TRAPPC9: variants seen among roughly 807,000 people sequenced by gnomAD.
TRAPPC9 encodes the protein trafficking protein particle complex subunit 9, also known as IKK2 binding protein.
In TRAPPC9, 83 loss-of-function variants were observed where a neutral mutation model predicts 124.0. That is an observed-to-expected ratio of 0.67 (90% confidence interval 0.56 to 0.80). The LOEUF (loss-of-function observed/expected upper bound fraction) is 0.80, where lower values mean the gene tolerates loss of function less well. TRAPPC9 is among the 30% of genes least tolerant of loss of function. TRAPPC9 has a pLI of 0.00. For missense variants in TRAPPC9, 1,302 were observed against 1,508.3 expected, an observed-to-expected ratio of 0.86 and a Z score of 2.27; for synonymous variants, 638 against 617.5, an observed-to-expected ratio of 1.03 and a Z score of -0.49.
chr8:140,379,308 A>G (rs768715433), intron 7 of TRAPPC9, among the ~76,000 whole-genome samples: 3 of 152,120 alleles, frequency 2.0e-5, no homozygotes, highest in African/African-American at 2.4e-5. Flanking sequence ...AGGCTGGTGC[A>G]AGGCTGTCCT....
intron 9 of TRAPPC9, among the ~76,000 whole-genome samples, chr8:140,318,074 G>T (rs529207457): frequency 6.6e-6 from 1 of 152,288 alleles, no homozygotes; most frequent in East Asian, 1.9e-4. Context: ...GGTCTGAAAT[G>T]ATATGTCTCC....
chr8:140,236,399 C>T (rs187011440), intron 16 of TRAPPC9, among the ~76,000 whole-genome samples: 15 of 152,144 alleles, frequency 9.9e-5, no homozygotes, highest in Admixed American at 1.3e-4. Flanking sequence ...TTCTTCTACA[C>T]GGAATTTAAG....
chr8:140,267,623 G>T (rs2064726515), intron 15 of TRAPPC9, among the ~76,000 whole-genome samples: 1 of 152,144 alleles, frequency 6.6e-6, no homozygotes. Flanking sequence ...CTGGTATGTG[G>T]AGAGCGCTAA....
intron 2 of TRAPPC9, among the ~76,000 whole-genome samples, chr8:140,443,063 G>A (rs1348014089): frequency 4.2e-5 from 6 of 142,434 alleles, no homozygotes; most frequent in African/African-American, 1.0e-4. Flanking sequence ...AACCCGGAAG[G>A]CAGAGGTTGC....
chr8:139,965,024 G>C (rs2665934), intron 19 of TRAPPC9, among the ~76,000 whole-genome samples: 56,336 of 152,006 alleles, frequency 0.37, 11,769 homozygotes, highest in Non-Finnish European at 0.47. Flanking sequence ...GTCCTCAGCT[G>C]TAGGACTGAG....
chr8:140,320,082 C>T (rs1000334319), intron 9 of TRAPPC9, among the ~76,000 whole-genome samples: 10 of 152,080 alleles, frequency 6.6e-5, no homozygotes, highest in Non-Finnish European at 1.0e-4. Context: ...AAAGAAAACA[C>T]GGAGGAAAAA....
intron 17 of TRAPPC9, among the ~76,000 whole-genome samples, chr8:140,123,092 A>C (rs1218728693): frequency 6.6e-6 from 1 of 152,148 alleles, no homozygotes; most frequent in African/African-American, 2.4e-5. Context: ...CTGCCTCTGC[A>C]ACCACATTTC....
intron 19 of TRAPPC9, among the ~76,000 whole-genome samples, chr8:139,975,912 T>C (rs1836412895): frequency 6.8e-6 from 1 of 146,844 alleles, no homozygotes; most frequent in Non-Finnish European, 1.5e-5. Flanking sequence ...AGCCATCCAA[T>C]GGAGAAAGGA....
chr8:139,884,476 C>T (rs1829874715), intron 21 of TRAPPC9, among the ~76,000 whole-genome samples: 1 of 152,166 alleles, frequency 6.6e-6, no homozygotes, highest in African/African-American at 2.4e-5. Flanking sequence ...TGCCTGTGGC[C>T]CTCCCTTCGC....
chr8:139,731,263 C>A, intron 22 of TRAPPC9, 35 bp from the exon 23 acceptor site: 1 of 1,609,798 alleles, frequency 6.2e-7, no homozygotes, highest in South Asian at 1.1e-5. Context: ...TCAGTCTGGT[C>A]AGCAGCAGGG....
intron 19 of TRAPPC9, among the ~76,000 whole-genome samples, chr8:139,930,042 C>G (rs542792029): frequency 6.6e-5 from 10 of 152,380 alleles, no homozygotes; most frequent in Middle Eastern, 6.8e-3. Context: ...CTACACTTCT[C>G]TGTTATGAAC....
intron 19 of TRAPPC9, among the ~76,000 whole-genome samples, chr8:139,943,217 C>T (rs900859602): frequency 6.6e-6 from 1 of 152,176 alleles, no homozygotes; most frequent in Non-Finnish European, 1.5e-5. Context: ...CAGGTGCATA[C>T]CACCACGCCC....
At chr8:140,438,226 C>T (rs1588355465) in intron 3 of TRAPPC9, among the ~76,000 whole-genome samples, 1 of 152,178 alleles carries the variant, frequency 6.6e-6, no homozygotes, top group East Asian at 1.9e-4. Flanking sequence ...TTTGCCTATT[C>T]TAGCCACTTC....
At chr8:140,380,632 G>T (rs2068575450) in intron 7 of TRAPPC9, among the ~76,000 whole-genome samples, 1 of 139,650 alleles carries the variant, frequency 7.2e-6, no homozygotes, top group African/African-American at 2.7e-5. Context: ...TCCAGCCTGG[G>T]TGACAAAGAG....
chr8:140,262,178 C>G (rs1476783762), intron 15 of TRAPPC9, among the ~76,000 whole-genome samples: 1 of 152,144 alleles, frequency 6.6e-6, no homozygotes, highest in Non-Finnish European at 1.5e-5. Context: ...ATCCTGAAAG[C>G]CTGTGAAATC....
intron 15 of TRAPPC9, among the ~76,000 whole-genome samples, chr8:140,255,815 G>A (rs1283346194): frequency 6.6e-6 from 1 of 152,246 alleles, no homozygotes; most frequent in Non-Finnish European, 1.5e-5. Context: ...GACCCAGGGA[G>A]GTGGAGGTTG....
At chr8:140,049,445 G>A (rs946897252) in intron 17 of TRAPPC9, among the ~76,000 whole-genome samples, 1 of 152,022 alleles carries the variant, frequency 6.6e-6, no homozygotes, top group African/African-American at 2.4e-5. Flanking sequence ...CTTCACTAGG[G>A]ACCTGCGGAA....
At chr8:140,175,084 A>C (rs928312923) in intron 17 of TRAPPC9, among the ~76,000 whole-genome samples, 17 of 151,254 alleles carry the variant, frequency 1.1e-4, no homozygotes, top group Admixed American at 4.6e-4. Context: ...AAAAATGGGG[A>C]GTACATGGTG....
At chr8:139,885,198 A>T (rs1829924818) in intron 21 of TRAPPC9, among the ~76,000 whole-genome samples, 1 of 152,212 alleles carries the variant, frequency 6.6e-6, no homozygotes, top group African/African-American at 2.4e-5. Context: ...TTCTCACTTC[A>T]AAAGAAATGC....
Sources: gnomAD v4.1 joint callset for allele counts (sites outside exome capture counted in the v4.1 genomes callset) on GRCh38, gnomAD v4.1.1 for gene constraint, MANE v1.5 for transcripts, NCBI Gene and HGNC (gene_info 2026-07-23, HGNC 2026-07-21) for gene names.